Variants in PDE4D observed in about 807,000 individuals in gnomAD.
PDE4D encodes the protein phosphodiesterase 4D.
In PDE4D, 24 loss-of-function variants were observed where a neutral mutation model predicts 87.4. That is an observed-to-expected ratio of 0.27 (90% CI 0.20 to 0.39). The LOEUF (loss-of-function observed/expected upper bound fraction) is 0.39, where lower values mean the gene tolerates loss of function less well. PDE4D is among the 10% of genes least tolerant of loss of function. The probability of loss-of-function intolerance (pLI) is 1.00; values close to 1 mark genes in which losing one functional copy is unlikely to be tolerated. For missense variants in PDE4D, 714 were observed against 1,041.0 expected (o/e 0.69, Z 4.32); for synonymous variants, 384 against 383.2 (o/e 1.00, Z -0.02).
chr5:60,204,404 A>G (rs925934591), intron 1 of PDE4D, among the ~76,000 whole-genome samples: 4 of 152,194 alleles, frequency 2.6e-5, no homozygotes, highest in African/African-American at 7.2e-5. Context: ...CCTATTTCCA[A>G]TCGGAAGTAA....
chr5:59,914,374 A>G (rs1451427489), intron 3 of PDE4D, among the ~76,000 whole-genome samples: 1 of 152,048 alleles, frequency 6.6e-6, no homozygotes, highest in African/African-American at 2.4e-5. Context: ...CTCTCTGTTG[A>G]GGTGATTTTT....
intron 1 of PDE4D, among the ~76,000 whole-genome samples, chr5:59,566,119 T>C (rs1820837349): frequency 6.6e-6 from 1 of 152,218 alleles, no homozygotes; most frequent in Non-Finnish European, 1.5e-5. Flanking sequence ...GTTAGAAGAC[T>C]GAATGGGTAA....
chr5:59,672,868 G>C (rs908044356), intron 1 of PDE4D, among the ~76,000 whole-genome samples: 1 of 152,134 alleles, frequency 6.6e-6, no homozygotes, highest in Non-Finnish European at 1.5e-5. Flanking sequence ...CACATTTATT[G>C]ACAAACTGCT....
rs1743219864 is a variant in PDE4D, at chr5:58,974,491, A to AAAAACTGGTTACGATATTCCT, written c.*152_*172dup. The stretch of plus-strand genomic sequence containing the variant: ...CCTTGCTCGGATGACATGGAGGTGA[A>AAAAACTGGTTACGATATTCCT]AAAACTGGTTACGATATTCCTGAGC... On this transcript the variant is annotated 3_prime_UTR_variant, in exon 15 of 15. Coordinates refer to ENST00000340635, the MANE Select transcript of PDE4D (RefSeq NM_001104631.2). 1 of 478,340 alleles carries AAAAACTGGTTACGATATTCCT rather than the reference A, an allele frequency of 2.1e-6. No homozygotes were observed. Among genetic ancestry groups the AAAAACTGGTTACGATATTCCT allele is most frequent in the African/African-American group, 1.9e-5 (1 of 51,398 alleles). The allele number at this position is 478,340 out of a possible 1,614,324, so 29.6% of individuals were successfully genotyped here.
chr5:59,548,046 G>GA (rs1415188393), intron 1 of PDE4D, among the ~76,000 whole-genome samples: 1 of 152,172 alleles, frequency 6.6e-6, no homozygotes, highest in Non-Finnish European at 1.5e-5. Flanking sequence ...CAGAAGGAGA[G>GA]AAAGAGAAAG....
rs7706419 is a variant in PDE4D, at chr5:59,039,465, G to T, written c.809-494C>A. On this transcript the variant is annotated intron_variant, in intron 5 of 14. Transcript: ENST00000340635. ...GCCCCGCCTGCCGAGCCTTCTGCAC[G>T]GCACTTGAAGTGAATGAATCAGCCG... The T allele has an allele frequency of 0.064, 62,831 of 987,248 alleles. 2,181 individuals carry two copies. The highest frequency in any genetic ancestry group is 0.13 in the Admixed American group (2,062 of 16,304). 61.2% of individuals were successfully genotyped at this position (987,248 alleles called of 1,614,324 possible).
intron 1 of PDE4D, among the ~76,000 whole-genome samples, chr5:59,314,957 C>T (rs948733753): frequency 1.3e-5 from 2 of 152,098 alleles, no homozygotes; most frequent in African/African-American, 2.4e-5. Context: ...CTGTGCACTG[C>T]GACGATGGGG....
chr5:60,274,834 TA>T (rs1751205393), intron 1 of PDE4D, among the ~76,000 whole-genome samples: 1 of 152,230 alleles, frequency 6.6e-6, no homozygotes, highest in African/African-American at 2.4e-5. Context: ...GAAAATTTTT[TA>T]AAATGCAAAT....
intron 1 of PDE4D, among the ~76,000 whole-genome samples, chr5:59,428,311 AT>A (rs966688166): frequency 1.3e-5 from 2 of 151,936 alleles, no homozygotes; most frequent in Admixed American, 6.6e-5. Context: ...TGAAAAGCCA[AT>A]TTTTTTTATC....
intron 5 of PDE4D, among the ~76,000 whole-genome samples, chr5:59,102,365 C>T (rs572820975): frequency 6.6e-6 from 1 of 152,256 alleles, no homozygotes; most frequent in African/African-American, 2.4e-5. Flanking sequence ...GGGTTACAGG[C>T]ATGAGCCATC....
chr5:60,287,455 C>A (rs1051040020), intron 1 of PDE4D, among the ~76,000 whole-genome samples: 7 of 152,118 alleles, frequency 4.6e-5, no homozygotes, highest in Non-Finnish European at 8.8e-5. Context: ...GAAGGCTCTT[C>A]AAAGACAAGA....
At chr5:59,561,890 C>T (rs1038542095) in intron 1 of PDE4D, among the ~76,000 whole-genome samples, 2 of 150,736 alleles carry the variant, frequency 1.3e-5, no homozygotes, top group Non-Finnish European at 2.9e-5. Flanking sequence ...TGAGATCGCA[C>T]CACTGCACTC....
rs549219922 is a variant in PDE4D at position 60,266,021 on chromosome 5, C to T, written c.-89-80334G>A. Among the ~76,000 whole-genome samples, 50 of 152,192 alleles carry T rather than the reference C, an allele frequency of 3.3e-4. 1 individual carries two copies. The South Asian group carries it at 9.8e-3, about 30-fold the overall frequency. On this transcript the variant is annotated intron_variant, in intron 1 of 16. Coordinates refer to the PDE4D transcript ENST00000502484. The stretch of plus-strand genomic sequence containing the variant: ...ACAGCTTGGGAGAAGCAGCTGTCCA[C>T]AGTAGAAGGAAGAAGGTGCTTTGCC...
chr5:60,088,254 A>G (rs1219970660), intron 2 of PDE4D, among the ~76,000 whole-genome samples: 2 of 152,010 alleles, frequency 1.3e-5, no homozygotes, highest in Non-Finnish European at 2.9e-5. Flanking sequence ...AAAATGCTAC[A>G]GGGAATTCTT....
At chr5:59,972,328 C>G (rs1355515637) in intron 3 of PDE4D, among the ~76,000 whole-genome samples, 1 of 152,180 alleles carries the variant, frequency 6.6e-6, no homozygotes, top group East Asian at 1.9e-4. Context: ...CAGTTGTCTA[C>G]CCTAAGACCT....
chr5:59,753,768 A>G (rs1202622301), intron 1 of PDE4D, among the ~76,000 whole-genome samples: 1 of 152,240 alleles, frequency 6.6e-6, no homozygotes, highest in Non-Finnish European at 1.5e-5. Flanking sequence ...TCAATTTCAA[A>G]TGCTAATAAT....
chr5:59,295,572 C>T (rs1768905023), intron 1 of PDE4D, among the ~76,000 whole-genome samples: 1 of 152,150 alleles, frequency 6.6e-6, no homozygotes, highest in African/African-American at 2.4e-5. Context: ...AGAGATGAGG[C>T]AGGAACTTCG....
At chr5:60,399,517 C>A (rs938200975) in intron 1 of PDE4D, among the ~76,000 whole-genome samples, 2 of 152,206 alleles carry the variant, frequency 1.3e-5, no homozygotes, top group Non-Finnish European at 2.9e-5. Context: ...TAGCCAGATT[C>A]TTTCTTTTTC....
intron 1 of PDE4D, among the ~76,000 whole-genome samples, chr5:60,431,925 C>A (rs2150116320): frequency 6.6e-6 from 1 of 152,356 alleles, no homozygotes; most frequent in Admixed American, 6.5e-5. Flanking sequence ...ATACGAAAAC[C>A]TGTCAGGTGT....
Sources: gnomAD v4.1 joint callset for allele counts (sites outside exome capture counted in the v4.1 genomes callset) on GRCh38, gnomAD v4.1.1 for gene constraint, MANE v1.5 for transcripts, NCBI Gene and HGNC (gene_info 2026-07-23, HGNC 2026-07-21) for gene names.